NBEAL1: variants seen among roughly 807,000 people sequenced by gnomAD.
NBEAL1 encodes neurobeachin like 1, also known as neurobeachin-like protein 1.
Under a neutral mutation model 351.3 loss-of-function variants are expected in NBEAL1, and 273 were observed. That is an observed-to-expected ratio of 0.78 (90% CI 0.70 to 0.86). The LOEUF is 0.86. Ranked by LOEUF, NBEAL1 falls within the 40% of genes least tolerant of loss-of-function variation. The pLI is 0.00. For synonymous variants in NBEAL1, 1,050 were observed against 1,086.4 expected (o/e 0.97, Z 0.66); for missense variants, 2,961 against 3,201.3 (o/e 0.92, Z 1.81).
intron 8 of NBEAL1, among the ~76,000 whole-genome samples, chr2:203,081,927 CCT>C (rs2061881129): frequency 6.6e-6 from 1 of 152,106 alleles, no homozygotes; most frequent in Non-Finnish European, 1.5e-5. Flanking sequence ...ACAGGGAGAC[CCT>C]GTCTCTACAA....
chr2:203,166,741 G>A (rs1351168499), intron 37 of NBEAL1, among the ~76,000 whole-genome samples: 2 of 151,166 alleles, frequency 1.3e-5, no homozygotes, highest in African/African-American at 2.4e-5. Context: ...TTTTAGTAGA[G>A]ACAGGGTTTC....
intron 7 of NBEAL1, chr2:203,074,691 G>C (rs1253620604): frequency 6.4e-6 from 1 of 157,122 alleles, no homozygotes; most frequent in Non-Finnish European, 1.4e-5. Context: ...CAGTTTAGAT[G>C]ATCCCAGTTT....
intron 42 of NBEAL1, among the ~76,000 whole-genome samples, chr2:203,176,765 T>G (rs1276989594): frequency 1.3e-5 from 2 of 150,356 alleles, no homozygotes; most frequent in African/African-American, 4.9e-5. Context: ...TATAACTAGG[T>G]CTTTTCAGCT....
intron 24 of NBEAL1, among the ~76,000 whole-genome samples, chr2:203,129,878 A>G (rs1270999425): frequency 6.6e-6 from 1 of 152,230 alleles, no homozygotes; most frequent in Non-Finnish European, 1.5e-5. Flanking sequence ...AGGAAATTGA[A>G]TAAGACAAAA....
In NBEAL1 at chr2:203,219,864, A is replaced by G. The variant is rs1036794334; in HGVS notation, c.*2510A>G. ...CAGAGTGAGACTTTGTCTCAAAGAA[A>G]AGAAAAAAAATATGGAATTTAGAGA... On this transcript the variant is annotated 3_prime_UTR_variant, in exon 56 of 56. Transcript: ENST00000683969. The G allele has an allele frequency of 3.4e-5, 1 of 29,824 alleles. No homozygotes were observed. The highest frequency in any genetic ancestry group is 5.0e-5 in the African/African-American group (1 of 19,946). The allele number at this position is 29,824 out of a possible 1,614,324, so 1.8% of individuals were successfully genotyped here.
At chr2:203,148,925 A>C (rs1226881619) in intron 33 of NBEAL1, 66 bp from the exon 34 acceptor site, 1 of 1,355,840 alleles carries the variant, frequency 7.4e-7, no homozygotes, top group Non-Finnish European at 9.7e-7. Flanking sequence ...TAAATTATGG[A>C]ATTAAAATGT....
chr2:203,174,896 A>AAT (rs1246191804), intron 41 of NBEAL1, among the ~76,000 whole-genome samples: 2 of 135,124 alleles, frequency 1.5e-5, no homozygotes, highest in Non-Finnish European at 3.2e-5. Context: ...TAAATAAATA[A>AAT]AAATAAAAAT....
chr2:203,131,560 G>A (rs1330350027), intron 25 of NBEAL1, among the ~76,000 whole-genome samples: 1 of 152,156 alleles, frequency 6.6e-6, no homozygotes, highest in African/African-American at 2.4e-5. Flanking sequence ...ATAATAGGGA[G>A]TGCCTATTCT....
intron 37 of NBEAL1, 34 bp from the exon 38 acceptor site, chr2:203,167,193 G>A (rs1407588024): frequency 1.3e-6 from 2 of 1,580,432 alleles, no homozygotes; most frequent in East Asian, 2.3e-5. Flanking sequence ...AACTTTATAT[G>A]GTATCTCAGT....
chr2:203,193,737 A>C, intron 46 of NBEAL1, 58 bp from the exon 47 acceptor site: 2 of 1,164,220 alleles, frequency 1.7e-6, no homozygotes, highest in South Asian at 2.6e-5. Context: ...ATGAAGGAAC[A>C]TAGTGAGAGA....
At chr2:203,150,755 A>C (rs1339834054) in intron 34 of NBEAL1, among the ~76,000 whole-genome samples, 1 of 152,118 alleles carries the variant, frequency 6.6e-6, no homozygotes, top group Non-Finnish European at 1.5e-5. Context: ...TATTTGTAGT[A>C]AAATTATTTT....
chr2:203,104,509 CT>C (rs1241736704), intron 12 of NBEAL1, among the ~76,000 whole-genome samples: 1 of 152,148 alleles, frequency 6.6e-6, no homozygotes, highest in East Asian at 1.9e-4. Context: ...CACTCTGTGC[CT>C]TTTAATTGGG....
chr2:203,210,946 A>G lies in NBEAL1; in HGVS notation c.7786-12A>G. 1 of 1,526,266 alleles carries G rather than the reference A, an allele frequency of 6.6e-7. No homozygotes were observed. The highest frequency in any genetic ancestry group is 8.9e-7 in the Non-Finnish European group (1 of 1,128,338). 94.5% of individuals were successfully genotyped at this position (1,526,266 alleles called of 1,614,324 possible). A position where few individuals can be genotyped will look rare whatever the true frequency, so the allele number is the denominator to read the frequency against. On this transcript the variant is annotated splice_polypyrimidine_tract_variant and intron_variant, in intron 53 of 55. Transcript: ENST00000683969. ...TATTTGAAATTGTTGAATTTTCCTT[A>G]ATTCTTTTCAGGATAAGAATGCATT...
chr2:203,121,837 G>C (rs552688386), intron 18 of NBEAL1, among the ~76,000 whole-genome samples: 1 of 151,912 alleles, frequency 6.6e-6, no homozygotes, highest in African/African-American at 2.4e-5. Flanking sequence ...TGAGGCTGGA[G>C]TGCATTGGCA....
intron 19 of NBEAL1, among the ~76,000 whole-genome samples, chr2:203,123,325 C>G (rs1035202030): frequency 1.3e-5 from 2 of 148,278 alleles, no homozygotes; most frequent in African/African-American, 4.9e-5. Flanking sequence ...TGTTCTTTTT[C>G]TTTTCTTTTC....
intron 44 of NBEAL1, among the ~76,000 whole-genome samples, chr2:203,188,209 G>A (rs911972324): frequency 6.6e-6 from 1 of 151,656 alleles, no homozygotes. Flanking sequence ...GCTGTTATAA[G>A]CATATTTGTG....
intron 3 of NBEAL1, among the ~76,000 whole-genome samples, chr2:203,045,877 C>T (rs534492612): frequency 1.3e-5 from 2 of 152,294 alleles, no homozygotes; most frequent in East Asian, 1.9e-4. Context: ...AATTAGTATA[C>T]AGTGGCTTAT....
At chr2:203,166,447 C>A in intron 37 of NBEAL1, 150 bp downstream of exon 37, 1 of 699,298 alleles carries the variant, frequency 1.4e-6, no homozygotes, top group Non-Finnish European at 2.3e-6. Context: ...TGTTATTCAC[C>A]AAGGTGTGGA....
chr2:203,149,721 C>T (rs1342918016), intron 34 of NBEAL1, among the ~76,000 whole-genome samples: 5 of 152,088 alleles, frequency 3.3e-5, no homozygotes, highest in Non-Finnish European at 5.9e-5. Context: ...TAAAAAGTCA[C>T]TCCTTATTAT....
Sources: gnomAD v4.1 joint callset for allele counts (sites outside exome capture counted in the v4.1 genomes callset) on GRCh38, gnomAD v4.1.1 for gene constraint, MANE v1.5 for transcripts, NCBI Gene and HGNC (gene_info 2026-07-23, HGNC 2026-07-21) for gene names.